TUB: variants seen among roughly 807,000 people sequenced by gnomAD.
TUB encodes the protein tubby protein homolog.
A neutral mutation model predicts 59.7 loss-of-function variants in TUB; 33 were observed. The ratio of observed to expected loss-of-function variants is 0.55; its 90% confidence interval spans 0.42 to 0.74. The LOEUF is 0.74. Ranked by LOEUF, TUB falls within the 30% of genes least tolerant of loss-of-function variation. TUB has a pLI of 0.00. For synonymous variants in TUB, 293 were observed against 256.4 expected (o/e 1.14, Z -1.36); for missense variants, 659 against 672.0 (o/e 0.98, Z 0.21).
chr11:8,090,162 C>T lies in TUB; in HGVS notation c.184C>T (p.Arg62Trp), dbSNP rs767594017. 15 of 1,613,598 alleles carry T rather than the reference C, an allele frequency of 9.3e-6. No individual in the cohort carries two copies. The highest frequency in any genetic ancestry group is 1.1e-5 in the Non-Finnish European group (13 of 1,179,922). ...TGGGCGGCCCCGGAGCCGGCGGGCC[C>T]GGCAGTCAGAGGAACAAGCCCCCCT... is the stretch of plus-strand genomic sequence containing the variant. ...ADGRPRSRRA[R>W]QSEEQAPLVE... Residue 62 changes from arginine to tryptophan, a missense_variant, in exon 3 of 12, where the codon CGG becomes TGG. Coordinates refer to ENST00000299506, the MANE Select transcript of TUB (RefSeq NM_177972.3).
intron 1 of TUB, among the ~76,000 whole-genome samples, chr11:8,089,154 C>T (rs1041936618): frequency 3.3e-5 from 5 of 152,144 alleles, no homozygotes; most frequent in Admixed American, 6.5e-5. Flanking sequence ...CCCCAGAGGA[C>T]GCAGCCTCCT....
upstream of TUB, among the ~76,000 whole-genome samples, chr11:8,034,142 G>A (rs1295365768): frequency 6.6e-6 from 1 of 152,166 alleles, no homozygotes; most frequent in East Asian, 1.9e-4. Context: ...TAACAGCAAC[G>A]TGTGGCTATC....
chr11:8,027,908 G>A (rs1172911517), intron 1 of TUB, among the ~76,000 whole-genome samples: 2 of 152,220 alleles, frequency 1.3e-5, no homozygotes, highest in African/African-American at 2.4e-5. Context: ...ATTGGTGCGC[G>A]CATATCTATT....
intron 1 of TUB, among the ~76,000 whole-genome samples, chr11:8,086,137 C>T (rs948154615): frequency 6.6e-6 from 1 of 152,194 alleles, no homozygotes; most frequent in Non-Finnish European, 1.5e-5. Flanking sequence ...TATCCATCAG[C>T]GCCCTGTCTC....
At chr11:8,070,891 G>T (rs924849017) in intron 2 of TUB, among the ~76,000 whole-genome samples, 2 of 152,126 alleles carry the variant, frequency 1.3e-5, no homozygotes, top group East Asian at 3.9e-4. Flanking sequence ...AGCAGCAGGT[G>T]CAAGGATAGA....
chr11:8,035,186 A>G (rs1344428629), upstream of TUB, among the ~76,000 whole-genome samples: 3 of 152,242 alleles, frequency 2.0e-5, no homozygotes, highest in Non-Finnish European at 4.4e-5. Flanking sequence ...TTAAATCAAA[A>G]TGAATGCAAA....
chr11:8,098,900 T>C (rs758910746), intron 9 of TUB, 25 bp downstream of exon 9: 3 of 1,533,346 alleles, frequency 2.0e-6, no homozygotes, highest in African/African-American at 1.4e-5. Context: ...CGGGGGTCTC[T>C]GATTTCCAAG....
intron 1 of TUB, among the ~76,000 whole-genome samples, chr11:8,029,382 TTC>T: frequency 8.2e-6 from 1 of 121,860 alleles, no homozygotes; most frequent in Non-Finnish European, 1.6e-5. Context: ...TTCTTTTTCT[TTC>T]TTTCTTTTTT....
At chr11:8,073,916 G>A (rs1589951120) in intron 2 of TUB, among the ~76,000 whole-genome samples, 2 of 151,850 alleles carry the variant, frequency 1.3e-5, no homozygotes, top group Admixed American at 1.3e-4. Context: ...GAGCAGAACC[G>A]TAGTTCAGCA....
In TUB at chr11:8,105,345, A is replaced by G. The variant is rs1426351278; in HGVS notation, c.*3726A>G. 3 of 152,202 alleles carry G rather than the reference A, an allele frequency of 2.0e-5. No individual in the cohort carries two copies. Among genetic ancestry groups the G allele is most frequent in the Non-Finnish European group, 4.4e-5 (3 of 68,044 alleles). 9.4% of individuals were successfully genotyped at this position (152,202 alleles called of 1,614,324 possible). ...TCAGGGCCCAGAGTTGGGACTCTAT[A>G]CTACCCTGGGCTCTGGTCTGTAGGT... is the stretch of plus-strand genomic sequence containing the variant. On this transcript the variant is annotated 3_prime_UTR_variant, in exon 12 of 12. Transcript: ENST00000299506.
In TUB at chr11:8,101,632, G is replaced by A. The variant is rs760530010; in HGVS notation, c.*13G>A. ...GGCGTGCGAGTAGAGGCCTCTTCGT[G>A]CCCTTTGGGGTTGCCCAGCCTGGAG... is the stretch of plus-strand genomic sequence containing the variant. On this transcript the variant is annotated 3_prime_UTR_variant, in exon 12 of 12. Transcript: ENST00000299506. The A allele has an allele frequency of 1.5e-5, 25 of 1,613,838 alleles. No homozygotes were observed. The highest frequency in any genetic ancestry group is 1.9e-5 in the Non-Finnish European group (22 of 1,179,862).
chr11:8,093,997 C>T (rs1273933985), intron 3 of TUB, 49 bp from the exon 4 acceptor site: 2 of 1,612,690 alleles, frequency 1.2e-6, no homozygotes, highest in Admixed American at 1.7e-5. Context: ...GCTCTGGTCT[C>T]ACCCACTGCC....
intron 1 of TUB, among the ~76,000 whole-genome samples, chr11:8,028,829 G>T (rs1416266446): frequency 1.3e-5 from 2 of 152,098 alleles, no homozygotes; most frequent in Non-Finnish European, 2.9e-5. Flanking sequence ...GGACAACGTA[G>T]TGAGACCCTG....
In TUB at chr11:8,094,137, A is replaced by C; in HGVS notation, c.345A>C (p.Thr115=). The C allele has an allele frequency of 3.1e-6, 5 of 1,614,124 alleles. No individual in the cohort carries two copies. The part of the protein sequence containing the change: ...ASAKRTKAAA[T]AGGQGGAARK... ...CCAAGAGAACCAAGGCGGCAGCTACAGCAGGGGGCCAGGGTGGCGCCGCTA... is the reference window on the plus strand; with the variant it reads ...CCAAGAGAACCAAGGCGGCAGCTACCGCAGGGGGCCAGGGTGGCGCCGCTA... The change falls in exon 4 of 12, where the codon ACA becomes ACC. Residue 115 remains threonine (T), a synonymous_variant. Coordinates refer to ENST00000299506, the MANE Select transcript of TUB (RefSeq NM_177972.3).
chr11:8,096,528 T>C (rs906716321), intron 5 of TUB, among the ~76,000 whole-genome samples, 157 bp from the exon 6 acceptor site: 4 of 152,182 alleles, frequency 2.6e-5, no homozygotes, highest in African/African-American at 9.7e-5. Flanking sequence ...TATGTGTGAA[T>C]GGGAGTCTAT....
At chr11:8,062,889 G>A (rs770933311) in intron 2 of TUB, among the ~76,000 whole-genome samples, 5 of 152,176 alleles carry the variant, frequency 3.3e-5, no homozygotes, top group Non-Finnish European at 7.3e-5. Context: ...CTCAGACGTT[G>A]TCTCTGGAAG....
rs1343540326 is a variant in TUB at position 8,103,573 on chromosome 11, T to A, written c.*1954T>A. On this transcript the variant is annotated 3_prime_UTR_variant, in exon 12 of 12. Transcript: ENST00000299506. Reference sequence around the variant, plus strand: ...CCCACACCTCGGCCGTACATCTCTGTGAGAGACCCCCTCCAACGATTAGCT... The same window carrying A: ...CCCACACCTCGGCCGTACATCTCTGAGAGAGACCCCCTCCAACGATTAGCT... 1 of 152,660 alleles carries A rather than the reference T, an allele frequency of 6.6e-6. No individual in the cohort carries two copies. Among genetic ancestry groups the A allele is most frequent in the Non-Finnish European group, 1.5e-5 (1 of 68,052 alleles). The allele number at this position is 152,660 out of a possible 1,614,324, so 9.5% of individuals were successfully genotyped here. A position where few individuals can be genotyped will look rare whatever the true frequency, so the allele number is the denominator to read the frequency against.
chr11:8,095,519 T>G lies in TUB; in HGVS notation c.419T>G (p.Leu140Arg), dbSNP rs762581771. The G allele has an allele frequency of 6.2e-7, 1 of 1,611,298 alleles. No individual in the cohort carries two copies. Among genetic ancestry groups the G allele is most frequent in the Non-Finnish European group, 8.5e-7 (1 of 1,178,868 alleles). The change falls in exon 5 of 12, where the codon CTG becomes CGG. Residue 140 changes from leucine to arginine, a missense_variant. By Grantham distance (102) the Leu-to-Arg change is moderately radical (BLOSUM62 -2). Coordinates refer to ENST00000299506, the MANE Select transcript of TUB (RefSeq NM_177972.3). ...GCAGGCACCAGCGGGCCAGCAGCACTGGCAGAAGACAAGTCTGAGGCCCAA... is the reference window on the plus strand; with the variant it reads ...GCAGGCACCAGCGGGCCAGCAGCACGGGCAGAAGACAAGTCTGAGGCCCAA... ...KHKGTSGPAA[L>R]AEDKSEAQGP...
At chr11:8,098,101 A>G (rs1944083526) in intron 8 of TUB, among the ~76,000 whole-genome samples, 1 of 152,008 alleles carries the variant, frequency 6.6e-6, no homozygotes, top group African/African-American at 2.4e-5. Context: ...GGTGTCACTG[A>G]TAACGCAGGC....
Sources: allele counts gnomAD v4.1 joint callset (sites outside exome capture counted in the v4.1 genomes callset), GRCh38; gene constraint gnomAD v4.1.1; transcripts MANE v1.5; gene names NCBI Gene and HGNC (gene_info 2026-07-23, HGNC 2026-07-21).